PLCB4: variants seen among roughly 807,000 people sequenced by gnomAD.
PLCB4 encodes phospholipase C beta 4, also known as 1-phosphatidylinositol 4,5-bisphosphate phosphodiesterase beta-4.
In PLCB4, 77 loss-of-function variants were observed where a neutral mutation model predicts 178.8. The ratio of observed to expected loss-of-function variants is 0.43; its 90% CI spans 0.36 to 0.52. The LOEUF (loss-of-function observed/expected upper bound fraction) is 0.52. Among genes scored for constraint, PLCB4 ranks in the 20% least tolerant of loss-of-function variants. The probability of loss-of-function intolerance (pLI) is 0.00; values close to 1 mark genes in which losing one functional copy is unlikely to be tolerated. For synonymous variants in PLCB4, 496 were observed against 490.8 expected (o/e 1.01, Z -0.14); for missense variants, 1,024 against 1,453.4 (o/e 0.70, Z 4.80).
intron 12 of PLCB4, among the ~76,000 whole-genome samples, chr20:9,378,716 A>T (rs1415994123): frequency 6.6e-6 from 1 of 152,178 alleles, no homozygotes; most frequent in African/African-American, 2.4e-5. Flanking sequence ...ATTACAACAG[A>T]AGCATGCTTC....
Position 9,373,084 on chromosome 20 carries a change from T to A in PLCB4, c.724T>A (p.Leu242Ile), listed in dbSNP as rs762174635. ...DKTDYLTVDQ[L>I]VSFLNEHQRD... Reference sequence around the variant, plus strand: ...AACTGATTATTTAACGGTAGACCAATTAGTGAGCTTTCTAAATGAAGTAAG... The same window carrying A: ...AACTGATTATTTAACGGTAGACCAAATAGTGAGCTTTCTAAATGAAGTAAG... Residue 242 changes from leucine (L) to isoleucine (I), a missense_variant, in exon 12 of 40, where the codon TTA (leucine) becomes ATA (isoleucine). This residue lies in a region of PLCB4 where 225 missense variants were observed against 291.0 expected (regional missense o/e 0.77). Transcript: ENST00000378473. The A allele has an allele frequency of 6.5e-7, 1 of 1,530,182 alleles. No homozygotes were observed. The highest frequency in any genetic ancestry group is 2.2e-5 in the East Asian group (1 of 44,452). The allele number at this position is 1,530,182 out of a possible 1,614,324, so 94.8% of individuals were successfully genotyped here. A position where few individuals can be genotyped will look rare whatever the true frequency, so the allele number is the denominator to read the frequency against.
At chr20:9,439,136 A>G (rs1462498801) in intron 30 of PLCB4, among the ~76,000 whole-genome samples, 2 of 152,356 alleles carry the variant, frequency 1.3e-5, no homozygotes, top group Admixed American at 1.3e-4. Context: ...GTAGCTTAAG[A>G]CAACCACCAT....
chr20:9,419,645 G>A lies in PLCB4; in HGVS notation c.2052-162G>A, dbSNP rs28571096. Among the ~76,000 whole-genome samples, 252 of 152,290 alleles carry A rather than the reference G, an allele frequency of 1.7e-3. 1 individual carries two copies. Among genetic ancestry groups the A allele is most frequent in the African/African-American group, 5.9e-3 (246 of 41,560 alleles). ...TGAGGCTGCAGCTCTTTAAGGTTGT[G>A]CATAAGGGCGGGCACATTCTCTTCC... On this transcript the variant is annotated intron_variant, in intron 25 of 39. Transcript: ENST00000378473.
intron 2 of PLCB4, among the ~76,000 whole-genome samples, chr20:9,178,972 A>C (rs1488431469): frequency 2.0e-5 from 3 of 152,202 alleles, no homozygotes; most frequent in African/African-American, 7.2e-5. Context: ...TTATGTTTAA[A>C]TTGTCAACAT....
chr20:9,180,838 T>C (rs1156986505), intron 2 of PLCB4, among the ~76,000 whole-genome samples: 1 of 152,254 alleles, frequency 6.6e-6, no homozygotes, highest in African/African-American at 2.4e-5. Context: ...GTCTGGATGC[T>C]ATTTCTGTGA....
chr20:9,178,545 A>G (rs1447576450), intron 2 of PLCB4, among the ~76,000 whole-genome samples: 1 of 151,752 alleles, frequency 6.6e-6, no homozygotes, highest in Non-Finnish European at 1.5e-5. Context: ...AATTTTTTAA[A>G]AGCCCTATCC....
chr20:9,423,641 C>A, intron 27 of PLCB4, 107 bp from the exon 28 acceptor site: 1 of 817,690 alleles, frequency 1.2e-6, no homozygotes, highest in Non-Finnish European at 2.0e-6. Context: ...TTACTTTCAA[C>A]ATCAGGGAAC....
intron 19 of PLCB4, among the ~76,000 whole-genome samples, chr20:9,401,288 A>G (rs2039004461): frequency 6.6e-6 from 1 of 152,232 alleles, no homozygotes; most frequent in South Asian, 2.1e-4. Context: ...ATAATACATA[A>G]CAAGATGTGC....
chr20:9,420,010 T>G, intron 26 of PLCB4, 101 bp downstream of exon 26: 1 of 666,770 alleles, frequency 1.5e-6, no homozygotes, highest in Non-Finnish European at 2.5e-6. Flanking sequence ...ATCCATGTGC[T>G]GCTCACAACT....
chr20:9,233,335 A>G lies in PLCB4; in HGVS notation c.-16+15883A>G, dbSNP rs544198312. Among the ~76,000 whole-genome samples the G allele has an allele frequency of 1.1e-4, 17 of 152,166 alleles. No homozygotes were observed. In the South Asian group the frequency reaches 2.7e-3, roughly 24 times the overall value. The stretch of plus-strand genomic sequence containing the variant: ...AGCAAATATTTATTGAGTGTCTACC[A>G]TGCACCAAGCACTGTTCTAAGCACT... On this transcript the variant is annotated intron_variant, in intron 3 of 39. Coordinates refer to ENST00000378473, the MANE Select transcript of PLCB4 (RefSeq NM_001377142.1).
chr20:9,362,377 C>T (rs140699553), intron 7 of PLCB4, among the ~76,000 whole-genome samples: 160 of 152,296 alleles, frequency 1.1e-3, no homozygotes, highest in African/African-American at 3.6e-3. Context: ...GCTGTTTGCT[C>T]TGATCACCCT....
At chr20:9,421,016 C>T (rs1039790999) in intron 26 of PLCB4, among the ~76,000 whole-genome samples, 2 of 151,972 alleles carry the variant, frequency 1.3e-5, no homozygotes, top group African/African-American at 4.8e-5. Context: ...ATGAAGAGGC[C>T]GTGGACACTA....
intron 3 of PLCB4, chr20:9,280,502 T>G: frequency 1.0e-6 from 1 of 971,962 alleles, no homozygotes; most frequent in Non-Finnish European, 1.2e-6. Context: ...CTAATTTCAC[T>G]GGGTTTCTCA....
intron 15 of PLCB4, 71 bp downstream of exon 15, chr20:9,387,627 G>C: frequency 1.5e-6 from 1 of 681,634 alleles, no homozygotes; most frequent in Non-Finnish European, 2.5e-6. Context: ...AGATGGAGAA[G>C]AGAAAACAAA....
chr20:9,411,913 C>A (rs958968924), intron 25 of PLCB4, among the ~76,000 whole-genome samples: 2 of 152,240 alleles, frequency 1.3e-5, no homozygotes, highest in East Asian at 1.9e-4. Context: ...GATTGGATAT[C>A]TTTTTATCAC....
intron 32 of PLCB4, among the ~76,000 whole-genome samples, chr20:9,445,155 G>A (rs776573738): frequency 2.6e-5 from 4 of 152,126 alleles, no homozygotes; most frequent in Non-Finnish European, 2.9e-5. Flanking sequence ...CTCAAACATC[G>A]TCACTTCCAG....
chr20:9,187,370 AC>A (rs1242620542), intron 2 of PLCB4, among the ~76,000 whole-genome samples: 1 of 151,434 alleles, frequency 6.6e-6, no homozygotes, highest in Admixed American at 6.6e-5. Flanking sequence ...ACATTTGCAC[AC>A]CCCTGCTGAG....
At chr20:9,186,926 C>G (rs941638697) in intron 2 of PLCB4, among the ~76,000 whole-genome samples, 1 of 151,956 alleles carries the variant, frequency 6.6e-6, no homozygotes, top group African/African-American at 2.4e-5. Flanking sequence ...CACAGTGACC[C>G]TTTTATTTGC....
chr20:9,338,044 A>G lies in PLCB4; in HGVS notation c.202A>G (p.Ile68Val). 1.9e-6 allele frequency: 3 copies of G among 1,611,798 alleles called. No individual in the cohort carries two copies. The highest frequency in any genetic ancestry group is 1.7e-4 in the Middle Eastern group (1 of 6,046). Residue 68 changes from isoleucine (I) to valine (V), a missense_variant, in exon 6 of 40, where the codon ATT becomes GTT. Physicochemically the swap from Ile to Val is conservative, Grantham distance 29. Transcript: ENST00000378473. ...GCTAGAATGCTCCCTCATCAACAGT[A>G]TTCGGTCGGGAGCCATACCAAAGGT... ...QVLECSLINS[I>V]RSGAIPKDPK...
Sources: gnomAD v4.1 joint callset for allele counts (sites outside exome capture counted in the v4.1 genomes callset) on GRCh38, gnomAD v4.1.1 for gene constraint, gnomAD v4.1.1 regional missense constraint, MANE v1.5 for transcripts, NCBI Gene and HGNC (gene_info 2026-07-23, HGNC 2026-07-21) for gene names.